The following NAV2 variants were observed in gnomAD, a reference collection of about 807,000 sequenced individuals.
NAV2 encodes the protein helicase, APC down-regulated 1.
NAV2 carries 54 observed loss-of-function variants against 223.2 expected under a neutral mutation model. That is an observed-to-expected ratio of 0.24 (90% CI 0.19 to 0.30). The LOEUF (loss-of-function observed/expected upper bound fraction) is 0.30, where lower values mean the gene tolerates loss of function less well. NAV2 is among the 10% of genes least tolerant of loss of function. The probability of loss-of-function intolerance (pLI) is 1.00; values close to 1 mark genes in which losing one functional copy is unlikely to be tolerated. For synonymous variants in NAV2, 1,279 were observed against 1,239.3 expected, an observed-to-expected ratio of 1.03 and a Z score of -0.67; for missense variants, 2,806 against 3,147.5, an observed-to-expected ratio of 0.89 and a Z score of 2.60.
At chr11:19,707,312 TA>T (rs1201453068) in intron 1 of NAV2, among the ~76,000 whole-genome samples, 3 of 152,258 alleles carry the variant, frequency 2.0e-5, no homozygotes, top group African/African-American at 7.2e-5. Context: ...ACTCTTGAAA[TA>T]ACACTTAGCT....
intron 11 of NAV2, among the ~76,000 whole-genome samples, chr11:20,004,531 G>C (rs1164416842): frequency 6.6e-6 from 1 of 152,342 alleles, no homozygotes; most frequent in South Asian, 2.1e-4. Flanking sequence ...AGTGACTGCA[G>C]TGGGCTCTGA....
rs1015177721 is a variant in NAV2 at position 19,692,409 on chromosome 11, C to T, written c.76-140075C>T. Among the ~76,000 whole-genome samples, 3 of 152,214 alleles carry T rather than the reference C, an allele frequency of 2.0e-5. No homozygotes were observed. The East Asian group carries it at 5.8e-4, about 29-fold the overall frequency. On this transcript the variant is annotated intron_variant, in intron 1 of 37. Coordinates refer to the NAV2 transcript ENST00000360655. ...GTGTCTGGGAAAGCTTGTAGCTTGACGCTACCTAATGCTAAACATATGACT... is the reference window on the plus strand; with the variant it reads ...GTGTCTGGGAAAGCTTGTAGCTTGATGCTACCTAATGCTAAACATATGACT...
chr11:20,027,522 A>G (rs1382003441), intron 11 of NAV2: 8 of 952,504 alleles, frequency 8.4e-6, no homozygotes, highest in Non-Finnish European at 1.0e-5. Context: ...AGTCACCTGG[A>G]AAGAGGCAGA....
In NAV2 at chr11:19,528,684, C is replaced by T. The variant is rs560531050; in HGVS notation, c.75+177657C>T. Among the ~76,000 whole-genome samples, 74 of 152,206 alleles carry T rather than the reference C, an allele frequency of 4.9e-4. 1 individual carries two copies. The highest frequency in any genetic ancestry group is 1.4e-3 in the African/African-American group (58 of 41,508). On this transcript the variant is annotated intron_variant, in intron 1 of 37. Transcript: ENST00000360655. The stretch of plus-strand genomic sequence containing the variant: ...CGGTGGCTTATGCCTGTAATCCCAG[C>T]GCTTTGGGAGGCTGAGATGGGCAGA...
At chr11:20,068,099 C>A in intron 20 of NAV2, 87 bp from the exon 21 acceptor site, 1 of 1,165,982 alleles carries the variant, frequency 8.6e-7, no homozygotes, top group Non-Finnish European at 1.3e-6. Context: ...ACTGCTGCAA[C>A]CATCTGAATA....
intron 1 of NAV2, among the ~76,000 whole-genome samples, chr11:19,497,045 C>A (rs1211742892): frequency 6.6e-6 from 1 of 152,162 alleles, no homozygotes; most frequent in South Asian, 2.1e-4. Context: ...GCCGCCATTG[C>A]ATTTGCTCTT....
chr11:19,549,416 T>G (rs1386451), intron 1 of NAV2, among the ~76,000 whole-genome samples: 5,467 of 152,232 alleles, frequency 0.036, 291 homozygotes, highest in South Asian at 0.15. Flanking sequence ...TCCCCCACCT[T>G]GTGCTTTCTC....
chr11:19,634,990 C>T (rs1340578987), intron 1 of NAV2, among the ~76,000 whole-genome samples: 1 of 152,184 alleles, frequency 6.6e-6, no homozygotes, highest in Non-Finnish European at 1.5e-5. Context: ...TAAGTGTCTA[C>T]AAAATTTCAG....
chr11:20,075,833 C>T (rs74588713), intron 22 of NAV2, among the ~76,000 whole-genome samples: 98 of 150,932 alleles, frequency 6.5e-4, no homozygotes, highest in African/African-American at 2.2e-3. Context: ...CAGTCATCTC[C>T]TCCTCTCGAA....
intron 1 of NAV2, among the ~76,000 whole-genome samples, chr11:19,549,144 G>A: frequency 6.6e-6 from 1 of 152,162 alleles, no homozygotes; most frequent in Admixed American, 6.5e-5. Context: ...TTATTGTCTT[G>A]GAATGTGGCT....
intron 1 of NAV2, among the ~76,000 whole-genome samples, chr11:19,567,504 G>A (rs1183521734): frequency 6.6e-6 from 1 of 152,102 alleles, no homozygotes. Context: ...TGAGTGATTT[G>A]CCCCAGGTCA....
intron 1 of NAV2, among the ~76,000 whole-genome samples, chr11:19,386,074 C>A (rs1164325517): frequency 1.3e-5 from 2 of 152,136 alleles, no homozygotes; most frequent in Non-Finnish European, 2.9e-5. Context: ...CAATATAGCT[C>A]CATTTTTGAC....
At chr11:19,971,428 G>T (rs2049233049) in intron 10 of NAV2, among the ~76,000 whole-genome samples, 1 of 152,068 alleles carries the variant, frequency 6.6e-6, no homozygotes. Flanking sequence ...GACCTATTTT[G>T]CAGGGTATAA....
Position 19,670,311 on chromosome 11 carries a change from C to CG in NAV2, c.76-162170dup, listed in dbSNP as rs550735283. On this transcript the variant is annotated intron_variant, in intron 1 of 37. Transcript: ENST00000360655. The stretch of plus-strand genomic sequence containing the variant: ...CCTGCTCACCTAACTCTGATCTCCC[C>CG]GGGCCATCACAGCCTTGTTGGATTT... Among the ~76,000 whole-genome samples the CG allele has an allele frequency of 7.2e-3, 1,094 of 152,260 alleles. 4 individuals carry two copies. Among genetic ancestry groups the CG allele is most frequent in the Non-Finnish European group, 0.01 (699 of 68,008 alleles).
chr11:19,436,566 C>T (rs1026272864), intron 1 of NAV2, among the ~76,000 whole-genome samples: 2 of 151,936 alleles, frequency 1.3e-5, no homozygotes, highest in Admixed American at 1.3e-4. Flanking sequence ...TATTTGGGGT[C>T]TCTCATGGTT....
chr11:19,905,152 A>G (rs969665646), intron 6 of NAV2, among the ~76,000 whole-genome samples: 5 of 152,200 alleles, frequency 3.3e-5, no homozygotes, highest in African/African-American at 1.2e-4. Flanking sequence ...TCTTACGTGG[A>G]TATGCCTGTG....
chr11:19,767,926 C>T (rs532983165), intron 1 of NAV2, among the ~76,000 whole-genome samples: 1 of 152,358 alleles, frequency 6.6e-6, no homozygotes, highest in East Asian at 1.9e-4. Context: ...CCATGTCTAT[C>T]TCTTCCCTGC....
At chr11:19,645,357 G>C (rs909559406) in intron 1 of NAV2, among the ~76,000 whole-genome samples, 3 of 152,130 alleles carry the variant, frequency 2.0e-5, no homozygotes, top group African/African-American at 7.2e-5. Flanking sequence ...GATAATCCAG[G>C]AGATTCTCCC....
At chr11:19,825,291 CAAAAAAAAAAAAAAAAAA>C (rs58499844) in intron 1 of NAV2, among the ~76,000 whole-genome samples, 1 of 48,206 alleles carries the variant, frequency 2.1e-5, no homozygotes, top group Non-Finnish European at 3.3e-5. Context: ...GACTCTGTCT[CAAAAAAAAAAAAAAAAAA>C]AAAAAAAAAA....
Sources: allele counts gnomAD v4.1 joint callset (sites outside exome capture counted in the v4.1 genomes callset), GRCh38; gene constraint gnomAD v4.1.1; transcripts MANE v1.5; gene names NCBI Gene and HGNC (gene_info 2026-07-23, HGNC 2026-07-21).